Variants in ACOX1 observed in about 807,000 individuals in gnomAD.
ACOX1 encodes the protein peroxisomal acyl-coenzyme A oxidase 1.
A neutral mutation model predicts 75.5 loss-of-function variants in ACOX1; 41 were observed. The ratio of observed to expected loss-of-function variants is 0.54; its 90% CI spans 0.42 to 0.70. The LOEUF (loss-of-function observed/expected upper bound fraction) is 0.70, where lower values mean the gene tolerates loss of function less well. ACOX1 is among the 30% of genes least tolerant of loss of function. ACOX1 has a pLI of 0.00. For synonymous variants in ACOX1, 303 were observed against 298.8 expected (o/e 1.01, Z -0.15); for missense variants, 630 against 837.5 (o/e 0.75, Z 3.06).
chr17:75,960,430 G>A lies in ACOX1; in HGVS notation c.270-55C>T. The A allele has an allele frequency of 6.3e-7, 1 of 1,579,948 alleles. No individual in the cohort carries two copies. Among genetic ancestry groups the A allele is most frequent in the South Asian group, 1.1e-5 (1 of 89,274 alleles). On this transcript the variant is annotated intron_variant, in intron 2 of 13. Transcript: ENST00000293217. The surrounding 1 kb of genome is among the most constrained non-coding windows in gnomAD (Gnocchi z 4.4). Reference sequence around the variant, plus strand: ...GAGAGAAGAGTCATCAGGTGTGAGAGAATCAGCAATTTAAATAGAGCAAGG... The same window carrying A: ...GAGAGAAGAGTCATCAGGTGTGAGAAAATCAGCAATTTAAATAGAGCAAGG...
Position 75,957,657 on chromosome 17 carries a change from A to G in ACOX1, c.431-91T>C, listed in dbSNP as rs866483176. The G allele has an allele frequency of 4.2e-6, 4 of 955,424 alleles. No homozygotes were observed. In the South Asian group the frequency reaches 5.5e-5, roughly 13 times the overall value. 59.2% of individuals were successfully genotyped at this position (955,424 alleles called of 1,614,324 possible). On this transcript the variant is annotated intron_variant, in intron 3 of 13. Coordinates refer to ENST00000293217, the MANE Select transcript of ACOX1 (RefSeq NM_004035.7). ...TTCCTGCACAGTCCTTTAAACTCTC[A>G]TATCTCAGAGAAAAACAAAATCTAA... is the stretch of plus-strand genomic sequence containing the variant.
Position 75,953,521 on chromosome 17 carries a change from C to T in ACOX1, c.874G>A (p.Ala292Thr), listed in dbSNP as rs748621190. Residue 292 changes from alanine to threonine, a missense_variant, in exon 7 of 14, where the codon GCT (alanine) becomes ACT (threonine). Transcript: ENST00000293217. Reference sequence around the variant, plus strand: ...GCAATGGTGCACGCCTTAGACAGAGCCCGAGCAGCTTCTCCCACAAGGAAG... The same window carrying T: ...GCAATGGTGCACGCCTTAGACAGAGTCCGAGCAGCTTCTCCCACAAGGAAG... ...RSFLVGEAAR[A>T]LSKACTIAIR... 1 of 1,614,002 alleles carries T rather than the reference C, an allele frequency of 6.2e-7. No homozygotes were observed. Among genetic ancestry groups the T allele is most frequent in the East Asian group, 2.2e-5 (1 of 44,904 alleles).
In ACOX1 at chr17:75,978,279, G is replaced by A. The variant is rs186235129; in HGVS notation, c.269+255C>T. ...CCGGCTAATTTTTGTATTTTCAGTA[G>A]AGATGGGGTTTCACCGTGTTAGCCA... On this transcript the variant is annotated intron_variant, in intron 2 of 13. Transcript: ENST00000293217. The surrounding 1 kb of genome is among the most constrained non-coding windows in gnomAD (Gnocchi z 4.2). Among the ~76,000 whole-genome samples, 1 of 152,232 alleles carries A rather than the reference G, an allele frequency of 6.6e-6. No individual in the cohort carries two copies. The highest frequency in any genetic ancestry group is 1.9e-4 in the East Asian group (1 of 5,184).
rs772334527 is a variant in ACOX1, at chr17:75,960,249, G to A, written c.396C>T (p.Ile132=). The change falls in exon 3 of 14, where the codon ATC becomes ATT. Residue 132 remains isoleucine, a synonymous_variant. Coordinates refer to ENST00000293217, the MANE Select transcript of ACOX1 (RefSeq NM_004035.7). This position sits in a 1 kb window ranked among gnomAD's most constrained non-coding sequence, Gnocchi z 4.4. ...TCTCTGTCTGGGCATAAGTGCCAATGATCTCCAAGTTCCAGGCGGGCATGA... is the reference window on the plus strand; with the variant it reads ...TCTCTGTCTGGGCATAAGTGCCAATAATCTCCAAGTTCCAGGCGGGCATGA... ...RFFMPAWNLE[I]IGTYAQTEMG... is the part of the protein sequence containing the mutation. 9 of 1,614,162 alleles carry A rather than the reference G, an allele frequency of 5.6e-6. No homozygotes were observed. Among genetic ancestry groups the A allele is most frequent in the Middle Eastern group, 1.7e-4 (1 of 6,060 alleles).
intron 2 of ACOX1, among the ~76,000 whole-genome samples, chr17:75,968,891 C>A (rs1392810831): frequency 6.7e-6 from 1 of 150,288 alleles, no homozygotes; most frequent in East Asian, 2.0e-4. Context: ...CACTGCACTC[C>A]AGCCTGAGCA....
intron 2 of ACOX1, among the ~76,000 whole-genome samples, chr17:75,970,180 CCTT>C (rs1391690019): frequency 4.1e-4 from 23 of 55,898 alleles, no homozygotes; most frequent in Middle Eastern, 0.01. Flanking sequence ...ACATGAGACT[CCTT>C]CAAAAAAAAA....
chr17:75,943,115 AC>A lies in ACOX1; in HGVS notation c.*3632del, dbSNP rs1177642391. The A allele has an allele frequency of 2.0e-5, 3 of 151,222 alleles. No individual in the cohort carries two copies. The highest frequency in any genetic ancestry group is 7.3e-5 in the African/African-American group (3 of 41,040). 9.4% of individuals were successfully genotyped at this position (151,222 alleles called of 1,614,324 possible). On this transcript the variant is annotated 3_prime_UTR_variant, in exon 14 of 14. Coordinates refer to ENST00000293217, the MANE Select transcript of ACOX1 (RefSeq NM_004035.7). ...ATGGCAGGTGCCTGTAATCCCAGCT[AC>A]TCAGGAGGCTGAGGTGGGAGAATCG...
intron 11 of ACOX1, 61 bp from the exon 12 acceptor site, chr17:75,949,421 G>A (rs1421086244): frequency 1.9e-6 from 3 of 1,609,320 alleles, no homozygotes; most frequent in Non-Finnish European, 1.7e-6. Context: ...AATATACAGT[G>A]ACTAGGGTTT....
intron 2 of ACOX1, among the ~76,000 whole-genome samples, chr17:75,970,193 A>G (rs2065980693): frequency 1.3e-5 from 2 of 151,220 alleles, no homozygotes; most frequent in South Asian, 4.2e-4. Context: ...TCAAAAAAAA[A>G]AAAAAAAAGA....
intron 2 of ACOX1, chr17:75,973,738 A>G (rs1455408092): frequency 1.2e-6 from 2 of 1,614,162 alleles, no homozygotes; most frequent in South Asian, 2.2e-5. Flanking sequence ...AGGAATAAAC[A>G]TGGAGTAATT....
intron 2 of ACOX1, among the ~76,000 whole-genome samples, chr17:75,961,759 C>CAAAAA (rs61575984): frequency 3.8e-5 from 2 of 53,048 alleles, no homozygotes; most frequent in Non-Finnish European, 8.0e-5. Flanking sequence ...GACTCTGTCT[C>CAAAAA]AAAAAAAAAA....
chr17:75,960,407 G>A lies in ACOX1; in HGVS notation c.270-32C>T, dbSNP rs183158929. The A allele has an allele frequency of 4.2e-5, 68 of 1,608,746 alleles. No individual in the cohort carries two copies. In the African/African-American group the frequency reaches 6.9e-4, roughly 16 times the overall value. On this transcript the variant is annotated intron_variant, in intron 2 of 13. Transcript: ENST00000293217. The surrounding 1 kb of genome is among the most constrained non-coding windows in gnomAD (Gnocchi z 4.4). ...GGAAATATCAAGGATGGGCATTTGA[G>A]AGAAGAGTCATCAGGTGTGAGAGAA...
At chr17:75,958,652 CA>C (rs1439709731) in intron 3 of ACOX1, among the ~76,000 whole-genome samples, 1 of 151,606 alleles carries the variant, frequency 6.6e-6, no homozygotes, top group Non-Finnish European at 1.5e-5. Flanking sequence ...ACTAAAAATA[CA>C]AAAAATTAGC....
rs988313096 is a variant in ACOX1, at chr17:75,955,700, C to A, written c.659-19G>T. 6.2e-7 allele frequency: 1 copy of A among 1,611,950 alleles called. No individual in the cohort carries two copies. The highest frequency in any genetic ancestry group is 1.7e-5 in the Admixed American group (1 of 59,988). ...GTAATTCCTACCACAGATGAAAGGA[C>A]AGTCACGAGATGTTTATGCTCTGGA... is the stretch of plus-strand genomic sequence containing the variant. On this transcript the variant is annotated intron_variant, in intron 5 of 13. Coordinates refer to ENST00000293217, the MANE Select transcript of ACOX1 (RefSeq NM_004035.7).
At position 75,957,324 on chromosome 17, in the gene ACOX1, G is replaced by A. The variant is rs959163443; in HGVS notation, c.538+135C>T. 7.3e-5 allele frequency: 58 copies of A among 790,308 alleles called. 1 individual carries two copies. The African/African-American group carries it at 7.3e-4, about 10-fold the overall frequency. The allele number at this position is 790,308 out of a possible 1,614,324, so 49.0% of individuals were successfully genotyped here. ...TTGAATTCCTGACCTCAAGTGATCT[G>A]CCCACCTCAGCCTCCCAAAGTGTTA... On this transcript the variant is annotated intron_variant, in intron 4 of 13. Transcript: ENST00000293217.
At chr17:75,957,607 GA>G (rs34361918) in intron 3 of ACOX1, 41 bp from the exon 4 acceptor site, 10 of 1,502,518 alleles carry the variant, frequency 6.7e-6, no homozygotes, top group South Asian at 2.3e-5. Context: ...AAGAGATGGG[GA>G]AAAAAATAGG....
chr17:75,971,116 A>AC (rs1468689305), intron 2 of ACOX1, among the ~76,000 whole-genome samples: 4 of 151,840 alleles, frequency 2.6e-5, no homozygotes, highest in African/African-American at 9.7e-5. Context: ...ACATGGAGAA[A>AC]CCCCGTCTCT....
chr17:75,960,839 G>A lies in ACOX1; in HGVS notation c.270-464C>T, dbSNP rs947537579. Among the ~76,000 whole-genome samples, 3 of 150,384 alleles carry A rather than the reference G, an allele frequency of 2.0e-5. No individual in the cohort carries two copies. Among genetic ancestry groups the A allele is most frequent in the African/African-American group, 4.9e-5 (2 of 40,788 alleles). ...CTAAAAATACAAAAATCAGCTGAAC[G>A]TGGTGGCGCCAGCCAGTAGTCCCAG... On this transcript the variant is annotated intron_variant, in intron 2 of 13. Transcript: ENST00000293217. The surrounding 1 kb of genome is among the most constrained non-coding windows in gnomAD (Gnocchi z 4.4).
At chr17:75,958,671 G>GTA (rs2065859699) in intron 3 of ACOX1, among the ~76,000 whole-genome samples, 1 of 151,750 alleles carries the variant, frequency 6.6e-6, no homozygotes, top group Non-Finnish European at 1.5e-5. Flanking sequence ...AGCTGGGCAT[G>GTA]GTGGTGGGTG....
Sources: gnomAD v4.1 joint callset for allele counts (sites outside exome capture counted in the v4.1 genomes callset) on GRCh38, gnomAD v4.1.1 for gene constraint, Gnocchi (gnomAD v3.1) non-coding constraint, MANE v1.5 for transcripts, NCBI Gene and HGNC (gene_info 2026-07-23, HGNC 2026-07-21) for gene names.